The following BCL2L1 variants were observed in gnomAD, a reference collection of about 807,000 sequenced individuals.
The protein encoded by BCL2L1 is BCL2 like 1, also known as bcl-2-like protein 1.
In BCL2L1, 1 loss-of-function variant was observed where a neutral mutation model predicts 18.7. The observed-to-expected ratio is 0.05, with a 90% CI of 0.02 to 0.25. BCL2L1 has a LOEUF of 0.25. BCL2L1 is among the 10% of genes least tolerant of loss of function. The probability of loss-of-function intolerance (pLI) is 1.00; values close to 1 mark genes in which losing one functional copy is unlikely to be tolerated. For missense variants in BCL2L1, 207 were observed against 304.9 expected (o/e 0.68, Z 2.39); for synonymous variants, 103 against 122.7 (o/e 0.84, Z 1.06).
chr20:31,697,009 T>C (rs1360314840), intron 2 of BCL2L1, among the ~76,000 whole-genome samples: 1 of 133,102 alleles, frequency 7.5e-6, no homozygotes, highest in Non-Finnish European at 1.5e-5. Flanking sequence ...TGAGCCGAGA[T>C]CAAGCCACTC....
At chr20:31,720,638 G>A (rs573603489) in intron 2 of BCL2L1, 57 of 983,186 alleles carry the variant, frequency 5.8e-5, no homozygotes, top group East Asian at 1.1e-4. Flanking sequence ...TCACATTATC[G>A]CCAAGATTTA....
intron 2 of BCL2L1, among the ~76,000 whole-genome samples, chr20:31,714,039 T>A (rs1300609624): frequency 4.6e-5 from 7 of 152,222 alleles, no homozygotes; most frequent in African/African-American, 1.4e-4. Flanking sequence ...AGGTGTTACA[T>A]AAATATAGGG....
chr20:31,716,230 A>G (rs1269495955), intron 2 of BCL2L1, among the ~76,000 whole-genome samples: 4 of 152,182 alleles, frequency 2.6e-5, no homozygotes, highest in African/African-American at 7.2e-5. Context: ...CAAAGGACCT[A>G]GAAGGGTAGA....
At chr20:31,693,732 C>T (rs2061122311) in intron 2 of BCL2L1, among the ~76,000 whole-genome samples, 1 of 152,008 alleles carries the variant, frequency 6.6e-6, no homozygotes, top group Non-Finnish European at 1.5e-5. Flanking sequence ...ATGGTGGTCT[C>T]ACTATGTTGC....
chr20:31,670,690 A>G (rs2060653890), intron 2 of BCL2L1, among the ~76,000 whole-genome samples: 1 of 152,158 alleles, frequency 6.6e-6, no homozygotes, highest in African/African-American at 2.4e-5. Context: ...TTCCTGGGGA[A>G]GGGGAGTAGT....
At chr20:31,723,460 G>T (rs888324597), upstream of BCL2L1, 13 of 984,350 alleles carry the variant, frequency 1.3e-5, no homozygotes, top group Admixed American at 8.0e-4. Context: ...CTCCGGGGCC[G>T]GGGGCTGCAC....
At chr20:31,677,965 C>T (rs1398366557) in intron 2 of BCL2L1, among the ~76,000 whole-genome samples, 1 of 152,198 alleles carries the variant, frequency 6.6e-6, no homozygotes, top group Non-Finnish European at 1.5e-5. Context: ...CTCTCTTCAT[C>T]CCTTTCCTCA....
chr20:31,708,493 G>C (rs1461716065), intron 2 of BCL2L1, among the ~76,000 whole-genome samples: 1 of 152,224 alleles, frequency 6.6e-6, no homozygotes, highest in African/African-American at 2.4e-5. Flanking sequence ...AGGTCATCAG[G>C]TTCCTGGAGA....
chr20:31,695,457 TG>T (rs1775536503), intron 2 of BCL2L1, among the ~76,000 whole-genome samples: 1 of 152,244 alleles, frequency 6.6e-6, no homozygotes, highest in African/African-American at 2.4e-5. Context: ...AGTCTTTTTT[TG>T]TACTTGCTTT....
intron 2 of BCL2L1, among the ~76,000 whole-genome samples, chr20:31,677,501 A>G (rs936021188): frequency 1.3e-5 from 2 of 152,184 alleles, no homozygotes; most frequent in African/African-American, 4.8e-5. Context: ...TCCTTATTTC[A>G]AAAGAATACC....
At chr20:31,723,552 C>T, upstream of BCL2L1, 1 of 984,596 alleles carries the variant, frequency 1.0e-6, no homozygotes, top group Non-Finnish European at 1.2e-6. Context: ...AGCCACCGCC[C>T]CGTTGCTAGG....
intron 2 of BCL2L1, among the ~76,000 whole-genome samples, chr20:31,718,878 C>T (rs1187892758): frequency 6.6e-6 from 1 of 152,282 alleles, no homozygotes; most frequent in East Asian, 1.9e-4. Context: ...TTTGCTTGGC[C>T]CAACAGCATC....
chr20:31,682,264 C>G (rs1029250671), intron 2 of BCL2L1, among the ~76,000 whole-genome samples: 3 of 152,212 alleles, frequency 2.0e-5, no homozygotes, highest in Admixed American at 1.3e-4. Context: ...TCTCCTGTCA[C>G]TTTATCTGCT....
In BCL2L1 at chr20:31,722,336, G is replaced by T; in HGVS notation, c.-118C>A. The T allele has an allele frequency of 1.3e-6, 1 of 744,952 alleles. No individual in the cohort carries two copies. Among genetic ancestry groups the T allele is most frequent in the Non-Finnish European group, 1.9e-6 (1 of 514,376 alleles). The allele number at this position is 744,952 out of a possible 1,614,324, so 46.1% of individuals were successfully genotyped here. A position where few individuals can be genotyped will look rare whatever the true frequency, so the allele number is the denominator to read the frequency against. On this transcript the variant is annotated 5_prime_UTR_variant, in exon 2 of 3. Transcript: ENST00000307677. ...TCCAAAGCCAAGATAAGATTCTGAA[G>T]GGAGAGAAAGAGCTTCAGGAAAAAA...
intron 2 of BCL2L1, among the ~76,000 whole-genome samples, chr20:31,687,689 A>G (rs2060984872): frequency 6.6e-6 from 1 of 151,748 alleles, no homozygotes; most frequent in African/African-American, 2.4e-5. Flanking sequence ...AAAAAAAAAA[A>G]AAAAAAAGAA....
chr20:31,709,356 C>G (rs1403117238), intron 2 of BCL2L1, among the ~76,000 whole-genome samples: 1 of 152,014 alleles, frequency 6.6e-6, no homozygotes, highest in Non-Finnish European at 1.5e-5. Flanking sequence ...TGTAACTAGC[C>G]TGATCTTTTT....
At chr20:31,714,061 T>C (rs1287203498) in intron 2 of BCL2L1, among the ~76,000 whole-genome samples, 2 of 152,248 alleles carry the variant, frequency 1.3e-5, no homozygotes, top group African/African-American at 4.8e-5. Flanking sequence ...AGCACTATTG[T>C]GGGCTCAGTG....
At chr20:31,671,581 T>C (rs2122451247) in intron 2 of BCL2L1, among the ~76,000 whole-genome samples, 1 of 152,230 alleles carries the variant, frequency 6.6e-6, no homozygotes, top group South Asian at 2.1e-4. Context: ...CCCAGACTCC[T>C]TGGACTTCTG....
At chr20:31,723,210 G>T (rs189171305), upstream of BCL2L1, 45 of 905,182 alleles carry the variant, frequency 5.0e-5, no homozygotes, top group Admixed American at 1.1e-3. Flanking sequence ...AACAAATGCC[G>T]CTGGTTTGCT....
Sources: gnomAD v4.1 joint callset for allele counts (sites outside exome capture counted in the v4.1 genomes callset) on GRCh38, gnomAD v4.1.1 for gene constraint, MANE v1.5 for transcripts, NCBI Gene and HGNC (gene_info 2026-07-23, HGNC 2026-07-21) for gene names.